HIVEP3: variants seen among roughly 807,000 people sequenced by gnomAD.
The protein encoded by HIVEP3 is transcription factor HIVEP3.
HIVEP3 carries 49 observed loss-of-function variants against 152.8 expected under a neutral mutation model. The ratio of observed to expected loss-of-function variants is 0.32; its 90% confidence interval spans 0.26 to 0.41. HIVEP3 has a LOEUF of 0.41. Ranked by LOEUF, HIVEP3 falls within the 10% of genes least tolerant of loss-of-function variation. The probability of loss-of-function intolerance (pLI) is 1.00; values close to 1 mark genes in which losing one functional copy is unlikely to be tolerated. For missense variants in HIVEP3, 2,790 were observed against 3,103.3 expected (o/e 0.90, Z 2.40); for synonymous variants, 1,269 against 1,289.0 (o/e 0.98, Z 0.33).
At chr1:41,947,137 G>C (rs1645079481) in intron 1 of HIVEP3, among the ~76,000 whole-genome samples, 1 of 152,154 alleles carries the variant, frequency 6.6e-6, no homozygotes, top group Admixed American at 6.5e-5. Context: ...TTACCCCAAG[G>C]GTTCAGGGAT....
chr1:41,742,427 C>T (rs937534968), intron 1 of HIVEP3, among the ~76,000 whole-genome samples: 1 of 152,228 alleles, frequency 6.6e-6, no homozygotes, highest in Non-Finnish European at 1.5e-5. Flanking sequence ...AATTACTTTT[C>T]CATTGGTCGG....
chr1:41,703,947 G>A (rs975849656), intron 1 of HIVEP3, among the ~76,000 whole-genome samples: 4 of 152,178 alleles, frequency 2.6e-5, no homozygotes, highest in Admixed American at 6.5e-5. Context: ...CTCATGGTTA[G>A]GAACACAGGT....
In HIVEP3 at chr1:41,512,895, T is replaced by G. The variant is rs2991344; in HGVS notation, c.6326A>C (p.Asp2109Ala). 1,572,770 of 1,574,396 alleles carry G rather than the reference T, an allele frequency of 1. 785,591 individuals carry two copies. The highest frequency in any genetic ancestry group is 1 in the Non-Finnish European group (1,159,532 of 1,159,558). ...CGCGGGCGGGAAGAGAACCCGTGGG[T>G]CCAGCCCCAAGCCTGGGCCATGCTC... ...AGEHGPGLGL[D>A]PRVLFPPAPL... The change falls in exon 8 of 9, where the codon GAC becomes GCC. Residue 2109 changes from aspartate to alanine, a missense_variant. Coordinates refer to ENST00000372583, the MANE Select transcript of HIVEP3 (RefSeq NM_024503.5).
At chr1:41,685,509 C>T (rs531989170) in intron 2 of HIVEP3, among the ~76,000 whole-genome samples, 1 of 152,220 alleles carries the variant, frequency 6.6e-6, no homozygotes, top group East Asian at 1.9e-4. Context: ...ATTCACCCCC[C>T]TCTCCAGCCA....
At chr1:41,755,863 C>T (rs1229826139) in intron 1 of HIVEP3, among the ~76,000 whole-genome samples, 2 of 152,178 alleles carry the variant, frequency 1.3e-5, no homozygotes, top group Non-Finnish European at 2.9e-5. Flanking sequence ...CATCCCTTGT[C>T]CATTGCCGGT....
intron 1 of HIVEP3, among the ~76,000 whole-genome samples, chr1:41,982,120 AAG>A (rs1258508884): frequency 6.6e-6 from 1 of 152,214 alleles, no homozygotes; most frequent in Non-Finnish European, 1.5e-5. Context: ...GGTACTTTAT[AAG>A]ATTTCCTTGT....
intron 2 of HIVEP3, among the ~76,000 whole-genome samples, chr1:41,672,017 C>T (rs1258736118): frequency 6.6e-6 from 1 of 152,146 alleles, no homozygotes; most frequent in Non-Finnish European, 1.5e-5. Context: ...GGCCACAACT[C>T]CAGGCTAAGC....
intron 1 of HIVEP3, among the ~76,000 whole-genome samples, chr1:41,792,857 A>C (rs1286384854): frequency 6.6e-6 from 1 of 152,254 alleles, no homozygotes; most frequent in Admixed American, 6.5e-5. Context: ...AGAGTAACTT[A>C]AAGTAGCTCT....
At chr1:41,750,869 C>T (rs1647150018) in intron 1 of HIVEP3, among the ~76,000 whole-genome samples, 1 of 152,150 alleles carries the variant, frequency 6.6e-6, no homozygotes, top group East Asian at 1.9e-4. Flanking sequence ...TATGCACCAC[C>T]ACGCCTGGCT....
At chr1:41,728,683 G>A (rs1646793552) in intron 1 of HIVEP3, among the ~76,000 whole-genome samples, 1 of 152,218 alleles carries the variant, frequency 6.6e-6, no homozygotes, top group Admixed American at 6.5e-5. Context: ...TCTTAATGCA[G>A]GGCTGGCTTC....
intron 5 of HIVEP3, among the ~76,000 whole-genome samples, chr1:41,562,627 CTCTCTCCCTCTCTCTCTCTT>C (rs1644092488): frequency 8.9e-6 from 1 of 112,540 alleles, no homozygotes; most frequent in African/African-American, 4.0e-5. Flanking sequence ...CTCTCTCTCT[CTCTCTCCCTCTCTCTCTCTT>C]TCTTTCTTTC....
intron 1 of HIVEP3, among the ~76,000 whole-genome samples, chr1:41,711,533 G>C (rs906182453): frequency 1.3e-5 from 2 of 152,252 alleles, no homozygotes; most frequent in African/African-American, 2.4e-5. Flanking sequence ...AGTTCCATGG[G>C]AAGGTGATCT....
chr1:41,702,452 G>A (rs1473782828), intron 1 of HIVEP3, among the ~76,000 whole-genome samples: 1 of 152,170 alleles, frequency 6.6e-6, no homozygotes, highest in Non-Finnish European at 1.5e-5. Flanking sequence ...GTGAACTTAG[G>A]TAAGTTATTT....
intron 3 of HIVEP3, among the ~76,000 whole-genome samples, chr1:41,591,946 G>A (rs918719973): frequency 8.5e-5 from 13 of 152,072 alleles, no homozygotes; most frequent in Admixed American, 1.3e-4. Flanking sequence ...TGAGTCCTCC[G>A]ATCTGCTGTT....
At chr1:41,921,745 T>C (rs1644942852), upstream of HIVEP3, among the ~76,000 whole-genome samples, 1 of 152,124 alleles carries the variant, frequency 6.6e-6, no homozygotes, top group South Asian at 2.1e-4. Context: ...TTAAGGGACA[T>C]CAGGAACATG....
At chr1:41,930,921 T>C (rs575156816) in intron 1 of HIVEP3, among the ~76,000 whole-genome samples, 18 of 152,268 alleles carry the variant, frequency 1.2e-4, no homozygotes, top group Non-Finnish European at 2.5e-4. Flanking sequence ...TCATATGCTT[T>C]CTTTGGTAAA....
At chr1:41,573,764 A>G (rs964224962) in intron 5 of HIVEP3, among the ~76,000 whole-genome samples, 1 of 151,996 alleles carries the variant, frequency 6.6e-6, no homozygotes, top group Admixed American at 6.6e-5. Flanking sequence ...AGGGCGGGAG[A>G]GCTGGGGGGC....
chr1:41,562,601 T>TCC (rs1553227849), intron 5 of HIVEP3, among the ~76,000 whole-genome samples: 3 of 126,254 alleles, frequency 2.4e-5, no homozygotes, highest in Non-Finnish European at 3.3e-5. Flanking sequence ...CTTCCTTTCT[T>TCC]TCTCTCTCTC....
intron 1 of HIVEP3, among the ~76,000 whole-genome samples, chr1:41,892,109 C>T (rs567772686): frequency 2.0e-5 from 3 of 152,252 alleles, no homozygotes; most frequent in Admixed American, 6.5e-5. Flanking sequence ...ATTTGGACAC[C>T]GAAGCTGTGA....
Sources: allele counts gnomAD v4.1 joint callset (sites outside exome capture counted in the v4.1 genomes callset), GRCh38; gene constraint gnomAD v4.1.1; transcripts MANE v1.5; gene names NCBI Gene and HGNC (gene_info 2026-07-23, HGNC 2026-07-21).